IGF2BP2: variants seen among roughly 807,000 people sequenced by gnomAD.
The protein encoded by IGF2BP2 is insulin-like growth factor 2 mRNA-binding protein 2.
Under a neutral mutation model 75.8 loss-of-function variants are expected in IGF2BP2, and 17 were observed. The ratio of observed to expected loss-of-function variants is 0.22; its 90% CI spans 0.15 to 0.34. IGF2BP2 has a LOEUF of 0.34. IGF2BP2 is among the 10% of genes least tolerant of loss of function. IGF2BP2 has a pLI of 1.00. For missense variants in IGF2BP2, 516 were observed against 772.4 expected, an observed-to-expected ratio of 0.67 and a Z score of 3.93; for synonymous variants, 288 against 295.6, an observed-to-expected ratio of 0.97 and a Z score of 0.26.
chr3:185,761,558 T>C (rs1023318618), intron 2 of IGF2BP2, among the ~76,000 whole-genome samples: 3 of 152,176 alleles, frequency 2.0e-5, no homozygotes, highest in African/African-American at 7.2e-5. Flanking sequence ...GTTGCTTTAC[T>C]CTTGCCAAAA....
At chr3:185,654,270 G>T (rs904552569) in intron 12 of IGF2BP2, among the ~76,000 whole-genome samples, 2 of 152,210 alleles carry the variant, frequency 1.3e-5, no homozygotes, top group African/African-American at 4.8e-5. Context: ...ACACGGATCT[G>T]AGTGTGTCCA....
chr3:185,648,938 G>A (rs3792534), intron 14 of IGF2BP2, among the ~76,000 whole-genome samples: 1 of 152,112 alleles, frequency 6.6e-6, no homozygotes, highest in Non-Finnish European at 1.5e-5. Context: ...AGAGTCAGAA[G>A]AGAGTGCAGG....
At chr3:185,779,550 A>C (rs1734943779) in intron 2 of IGF2BP2, among the ~76,000 whole-genome samples, 2 of 152,208 alleles carry the variant, frequency 1.3e-5, no homozygotes, top group Admixed American at 1.3e-4. Context: ...AATGCTAAAA[A>C]ATGAACTGGA....
chr3:185,644,736 T>C lies in IGF2BP2; in HGVS notation c.*795A>G, dbSNP rs1713229557. ...TATATAGCAGTATGCAAAAAACCAG[T>C]TTAAAACCTGTGAAGCAAAGAGAAA... On this transcript the variant is annotated 3_prime_UTR_variant, in exon 16 of 16. Transcript: ENST00000382199. The C allele has an allele frequency of 6.6e-6, 1 of 152,326 alleles. No homozygotes were observed. Among genetic ancestry groups the C allele is most frequent in the African/African-American group, 2.4e-5 (1 of 41,330 alleles). 9.4% of individuals were successfully genotyped at this position (152,326 alleles called of 1,614,324 possible).
intron 2 of IGF2BP2, among the ~76,000 whole-genome samples, chr3:185,749,528 G>A (rs531369454): frequency 6.6e-6 from 1 of 152,314 alleles, no homozygotes; most frequent in Admixed American, 6.5e-5. Flanking sequence ...GTAGGAACTG[G>A]CCTCTAGTCC....
intron 2 of IGF2BP2, among the ~76,000 whole-genome samples, chr3:185,755,571 G>A (rs1731511105): frequency 6.6e-6 from 1 of 152,212 alleles, no homozygotes; most frequent in Non-Finnish European, 1.5e-5. Context: ...ACCTAAGAGA[G>A]CAGCCATGTG....
intron 10 of IGF2BP2, among the ~76,000 whole-genome samples, chr3:185,669,062 T>A (rs1163682383): frequency 6.6e-6 from 1 of 152,152 alleles, no homozygotes; most frequent in Non-Finnish European, 1.5e-5. Flanking sequence ...AGTCATATAA[T>A]TTAAAAAAGC....
chr3:185,663,328 C>G (rs1297064358), intron 10 of IGF2BP2, among the ~76,000 whole-genome samples: 1 of 152,118 alleles, frequency 6.6e-6, no homozygotes, highest in Admixed American at 6.5e-5. Flanking sequence ...CAGGTGTGTC[C>G]TCACTCCCTC....
chr3:185,752,996 G>A (rs1255103279), intron 2 of IGF2BP2, among the ~76,000 whole-genome samples: 1 of 152,184 alleles, frequency 6.6e-6, no homozygotes, highest in Non-Finnish European at 1.5e-5. Context: ...AGGGGGCTGA[G>A]GGTGGTAGTA....
In IGF2BP2 at chr3:185,645,322, T is replaced by C; in HGVS notation, c.*209A>G. On this transcript the variant is annotated 3_prime_UTR_variant, in exon 16 of 16. Transcript: ENST00000382199. This position sits in a 1 kb window ranked among gnomAD's most constrained non-coding sequence, Gnocchi z 4.9. ...GGGGGCGGGAGGCGGGGCTCGGTGG[T>C]TCTGGCAAACCTGGCTGACCTTCCC... The C allele has an allele frequency of 3.6e-6, 2 of 559,778 alleles. No homozygotes were observed. The highest frequency in any genetic ancestry group is 9.5e-4 in the Middle Eastern group (2 of 2,096). The allele number at this position is 559,778 out of a possible 1,614,324, so 34.7% of individuals were successfully genotyped here.
At chr3:185,705,364 G>A (rs879393304) in intron 2 of IGF2BP2, among the ~76,000 whole-genome samples, 1 of 152,154 alleles carries the variant, frequency 6.6e-6, no homozygotes, top group Non-Finnish European at 1.5e-5. Context: ...CAAAGTGCTG[G>A]GATTACAGGC....
intron 2 of IGF2BP2, among the ~76,000 whole-genome samples, chr3:185,702,195 G>T (rs1723400657): frequency 6.6e-6 from 1 of 152,096 alleles, no homozygotes; most frequent in South Asian, 2.1e-4. Flanking sequence ...CTAGCACGGG[G>T]TCTCATACAC....
chr3:185,710,192 A>C (rs1340454189), intron 2 of IGF2BP2, among the ~76,000 whole-genome samples: 1 of 146,166 alleles, frequency 6.8e-6, no homozygotes, highest in Non-Finnish European at 1.5e-5. Context: ...AGTGAACCTA[A>C]TATCTTTAAA....
At chr3:185,702,284 G>A (rs1013223354) in intron 2 of IGF2BP2, among the ~76,000 whole-genome samples, 7 of 151,972 alleles carry the variant, frequency 4.6e-5, no homozygotes, top group African/African-American at 1.7e-4. Context: ...CCAGGAAAAC[G>A]AATTGTCTAT....
In IGF2BP2 at chr3:185,645,521, T is replaced by A; in HGVS notation, c.*10A>T. Reference sequence around the variant, plus strand: ...ATTCATCCGTTGTTTTGCTGGTGCCTGTGGGAGCCTCACTTGCTGCGCTGT... The same window carrying A: ...ATTCATCCGTTGTTTTGCTGGTGCCAGTGGGAGCCTCACTTGCTGCGCTGT... On this transcript the variant is annotated 3_prime_UTR_variant, in exon 16 of 16. Coordinates refer to ENST00000382199, the MANE Select transcript of IGF2BP2 (RefSeq NM_006548.6). The surrounding 1 kb of genome is among the most constrained non-coding windows in gnomAD (Gnocchi z 4.9). 1 of 1,592,916 alleles carries A rather than the reference T, an allele frequency of 6.3e-7. No homozygotes were observed. Among genetic ancestry groups the A allele is most frequent in the Non-Finnish European group, 8.6e-7 (1 of 1,160,840 alleles).
chr3:185,689,632 A>G lies in IGF2BP2; in HGVS notation c.405-5T>C. ...CCGCTTAGCTTCTCCATGGCTCTGA[A>G]ATGCAGCAGGACAGGGGAGCTTCGT... On this transcript the variant is annotated splice_polypyrimidine_tract_variant and splice_region_variant and intron_variant, in intron 5 of 15. Coordinates refer to ENST00000382199, the MANE Select transcript of IGF2BP2 (RefSeq NM_006548.6). 1 of 1,614,018 alleles carries G rather than the reference A, an allele frequency of 6.2e-7. No homozygotes were observed. Among genetic ancestry groups the G allele is most frequent in the Non-Finnish European group, 8.5e-7 (1 of 1,179,916 alleles).
Position 185,729,491 on chromosome 3 carries a change from A to G in IGF2BP2, c.240-31144T>C, listed in dbSNP as rs146128306. On this transcript the variant is annotated intron_variant, in intron 2 of 15. Coordinates refer to ENST00000382199, the MANE Select transcript of IGF2BP2 (RefSeq NM_006548.6). ...ACTATTATGAGCTTGCAGCTTCCCA[A>G]TACTCGTCATGATAGTGATGAATGT... Among the ~76,000 whole-genome samples the G allele has an allele frequency of 6.0e-3, 907 of 152,328 alleles. 6 individuals carry two copies. The highest frequency in any genetic ancestry group is 0.021 in the African/African-American group (858 of 41,580).
chr3:185,809,624 CCT>C (rs1438069718), intron 2 of IGF2BP2, among the ~76,000 whole-genome samples: 2 of 151,538 alleles, frequency 1.3e-5, no homozygotes, highest in Admixed American at 6.6e-5. Context: ...AGTGAGACCC[CCT>C]GTCAGAAAGA....
intron 2 of IGF2BP2, among the ~76,000 whole-genome samples, chr3:185,736,682 G>C (rs548083764): frequency 6.6e-6 from 1 of 152,356 alleles, no homozygotes; most frequent in Non-Finnish European, 1.5e-5. Context: ...CACCATGCAG[G>C]TGGGGAATCA....
Sources: allele counts gnomAD v4.1 joint callset (sites outside exome capture counted in the v4.1 genomes callset), GRCh38; gene constraint gnomAD v4.1.1; non-coding constraint Gnocchi (gnomAD v3.1); transcripts MANE v1.5; gene names NCBI Gene and HGNC (gene_info 2026-07-23, HGNC 2026-07-21).